The following MRTFA variants were observed in gnomAD, a reference collection of about 807,000 sequenced individuals.
The protein encoded by MRTFA is myocardin-related transcription factor A.
A neutral mutation model predicts 83.5 loss-of-function variants in MRTFA; 20 were observed. The ratio of observed to expected loss-of-function variants is 0.24; its 90% CI spans 0.17 to 0.35. MRTFA has a LOEUF of 0.35. MRTFA is among the 10% of genes least tolerant of loss of function. The pLI is 1.00. For missense variants in MRTFA, 1,200 were observed against 1,224.7 expected (o/e 0.98, Z 0.30); for synonymous variants, 659 against 541.2 (o/e 1.22, Z -3.02).
chr22:40,411,920 CAAG>C lies in MRTFA; in HGVS notation c.2579-16_2579-14del. ...TCTGCTGAAATTTCTGCCAATCAAT[CAAG>C]AGAGTAAATGGATATCAGAAGCCAA... On this transcript the variant is annotated splice_polypyrimidine_tract_variant and intron_variant, in intron 14 of 14. Coordinates refer to ENST00000355630, the MANE Select transcript of MRTFA (RefSeq NM_020831.6). The C allele has an allele frequency of 2.0e-6, 3 of 1,478,688 alleles. 1 individual carries two copies. Among genetic ancestry groups the C allele is most frequent in the Middle Eastern group, 3.7e-4 (2 of 5,394 alleles). The allele number at this position is 1,478,688 out of a possible 1,614,324, so 91.6% of individuals were successfully genotyped here.
chr22:40,569,842 C>T (rs1401582637), intron 2 of MRTFA: 1 of 152,982 alleles, frequency 6.5e-6, no homozygotes. Flanking sequence ...CTGCCCTATA[C>T]CCTGGGCCTC....
At chr22:40,473,707 G>A (rs938162055) in intron 3 of MRTFA, among the ~76,000 whole-genome samples, 3 of 152,196 alleles carry the variant, frequency 2.0e-5, no homozygotes, top group Non-Finnish European at 4.4e-5. Context: ...CTAGCCTTAA[G>A]TGAAGCTCAG....
At chr22:40,558,486 T>C (rs1198780497) in intron 2 of MRTFA, among the ~76,000 whole-genome samples, 4 of 152,000 alleles carry the variant, frequency 2.6e-5, no homozygotes, top group Non-Finnish European at 4.4e-5. Context: ...TCCTACTACT[T>C]TGAATTATTA....
At chr22:40,479,606 C>T (rs1247457731) in intron 3 of MRTFA, among the ~76,000 whole-genome samples, 1 of 152,276 alleles carries the variant, frequency 6.6e-6, no homozygotes, top group East Asian at 1.9e-4. Context: ...GTTTTTCAAA[C>T]TGAAATGCTG....
At chr22:40,488,698 T>C (rs369517362) in intron 3 of MRTFA, among the ~76,000 whole-genome samples, 1 of 152,012 alleles carries the variant, frequency 6.6e-6, no homozygotes, top group East Asian at 1.9e-4. Flanking sequence ...CCAGGCATGG[T>C]GGCGGGCGCC....
chr22:40,508,741 G>T (rs2147237833), intron 3 of MRTFA, among the ~76,000 whole-genome samples: 1 of 151,362 alleles, frequency 6.6e-6, no homozygotes, highest in East Asian at 1.9e-4. Flanking sequence ...CTTCTGGCTG[G>T]GCATGGTGGC....
intron 4 of MRTFA, among the ~76,000 whole-genome samples, chr22:40,457,436 GAGAAAGAAAGAAAGAAAGAAAGAAAGAA>G (rs555469044): frequency 3.3e-5 from 4 of 119,884 alleles, no homozygotes; most frequent in Admixed American, 9.0e-5. Context: ...AAGAAAGAAA[GAGAAAGAAAGAAAGAAAGAAAGAAAGAA>G]AGAAAGAAAG....
chr22:40,591,472 G>A (rs141376083), intron 2 of MRTFA, among the ~76,000 whole-genome samples: 6 of 152,200 alleles, frequency 3.9e-5, no homozygotes, highest in Non-Finnish European at 7.3e-5. Context: ...GCAATACGCA[G>A]AGTGGTGGAA....
intron 2 of MRTFA, among the ~76,000 whole-genome samples, chr22:40,571,026 CAAAAAAA>C (rs71199292): frequency 1.9e-3 from 91 of 46,714 alleles, no homozygotes; most frequent in African/African-American, 5.2e-3. Context: ...CCTGTCTCTA[CAAAAAAA>C]AAAAAAAAAA....
intron 3 of MRTFA, among the ~76,000 whole-genome samples, chr22:40,490,716 A>T (rs1273362162): frequency 6.6e-6 from 1 of 152,202 alleles, no homozygotes; most frequent in African/African-American, 2.4e-5. Flanking sequence ...CACAGGCTCA[A>T]ATCATCCTGT....
intron 3 of MRTFA, among the ~76,000 whole-genome samples, chr22:40,525,783 C>G (rs1166115118): frequency 6.6e-6 from 1 of 152,042 alleles, no homozygotes; most frequent in African/African-American, 2.4e-5. Context: ...TTTGCTAAAT[C>G]ACCCATTCAA....
At position 40,421,078 on chromosome 22, in the gene MRTFA, C is replaced by A; in HGVS notation, c.950G>T (p.Ser317Ile). 6.5e-7 allele frequency: 1 copy of A among 1,537,262 alleles called. No individual in the cohort carries two copies. The highest frequency in any genetic ancestry group is 8.8e-7 in the Non-Finnish European group (1 of 1,139,460). ...CTTCTTGCTGCGCTGTGACTTCTCA[C>A]TGGCAGACTTGGGTTGGCTTTGCTG... The change falls in exon 10 of 15, where the codon AGT (serine) becomes ATT (isoleucine). Residue 317 changes from serine (S) to isoleucine (I), a missense_variant. Transcript: ENST00000355630.
intron 3 of MRTFA, among the ~76,000 whole-genome samples, chr22:40,516,430 AAAAAAAAAAAAAAGGAAAAAG>A (rs1221238521): frequency 3.3e-5 from 4 of 119,710 alleles, no homozygotes; most frequent in African/African-American, 1.2e-4. Context: ...AAGAAAAAAA[AAAAAAAAAAAAAAGGAAAAAG>A]AAAAAAAAAA....
intron 1 of MRTFA, among the ~76,000 whole-genome samples, chr22:40,621,109 G>A (rs1199659987): frequency 6.6e-6 from 1 of 151,626 alleles, no homozygotes; most frequent in African/African-American, 2.4e-5. Flanking sequence ...TGAGCCCCAG[G>A]AGATGGAGGC....
chr22:40,600,173 A>T (rs996730210), intron 1 of MRTFA, among the ~76,000 whole-genome samples: 3 of 152,092 alleles, frequency 2.0e-5, no homozygotes, highest in Non-Finnish European at 4.4e-5. Context: ...TCTCTGCCTG[A>T]TTCCTCTGTT....
intron 2 of MRTFA, among the ~76,000 whole-genome samples, chr22:40,574,446 T>A (rs867376910): frequency 1.3e-4 from 19 of 151,322 alleles, no homozygotes; most frequent in African/African-American, 4.6e-4. Flanking sequence ...TATTATTTTT[T>A]TTTTTTGAGA....
intron 3 of MRTFA, among the ~76,000 whole-genome samples, chr22:40,536,245 G>A (rs1309733657): frequency 1.3e-5 from 2 of 152,152 alleles, no homozygotes; most frequent in South Asian, 2.1e-4. Flanking sequence ...CCAGGCTACA[G>A]TGAGCTGTGA....
chr22:40,424,052 G>A (rs1226994227), intron 8 of MRTFA, among the ~76,000 whole-genome samples, 154 bp downstream of exon 8: 1 of 152,198 alleles, frequency 6.6e-6, no homozygotes, highest in Admixed American at 6.5e-5. Context: ...CACCACCGGG[G>A]AGCTCAAGCA....
In MRTFA at chr22:40,410,806, G is replaced by A. The variant is rs549343534; in HGVS notation, c.*584C>T. ...CCCCCCAAAAATATATATGTATGTC[G>A]ATATATAATATAGAGGTATATACAC... On this transcript the variant is annotated 3_prime_UTR_variant, in exon 15 of 15. Coordinates refer to ENST00000355630, the MANE Select transcript of MRTFA (RefSeq NM_020831.6). 45 of 232,510 alleles carry A rather than the reference G, an allele frequency of 1.9e-4. No homozygotes were observed. The highest frequency in any genetic ancestry group is 5.1e-4 in the African/African-American group (23 of 45,190). 14.4% of individuals were successfully genotyped at this position (232,510 alleles called of 1,614,324 possible).
Sources: gnomAD v4.1 joint callset for allele counts (sites outside exome capture counted in the v4.1 genomes callset) on GRCh38, gnomAD v4.1.1 for gene constraint, MANE v1.5 for transcripts, NCBI Gene and HGNC (gene_info 2026-07-23, HGNC 2026-07-21) for gene names.